Variants in TLE1 observed in about 807,000 individuals in gnomAD.
TLE1 encodes the protein TLE family member 1, transcriptional corepressor.
A neutral mutation model predicts 89.8 loss-of-function variants in TLE1; 21 were observed. The observed-to-expected ratio is 0.23, with a 90% CI of 0.17 to 0.34. The LOEUF (loss-of-function observed/expected upper bound fraction) is 0.34. Among genes scored for constraint, TLE1 ranks in the 10% least tolerant of loss-of-function variants. TLE1 has a pLI of 1.00. For missense variants in TLE1, 795 were observed against 1,031.2 expected (o/e 0.77, Z 3.14); for synonymous variants, 447 against 407.6 (o/e 1.10, Z -1.16).
intron 6 of TLE1, among the ~76,000 whole-genome samples, chr9:81,640,041 C>T (rs188698274): frequency 1.8e-4 from 27 of 152,052 alleles, no homozygotes; most frequent in East Asian, 1.7e-3. Context: ...GAGGTCACTG[C>T]GGGGGAGGGA....
chr9:81,673,370 G>A (rs1832489504), intron 4 of TLE1, among the ~76,000 whole-genome samples: 1 of 138,496 alleles, frequency 7.2e-6, no homozygotes, highest in Non-Finnish European at 1.5e-5. Flanking sequence ...TAGAAGGAAA[G>A]AAATAAAACA....
In TLE1 at chr9:81,620,552, A is replaced by G; in HGVS notation, c.600T>C (p.Asn200=). 3 of 1,609,030 alleles carry G rather than the reference A, an allele frequency of 1.9e-6. No homozygotes were observed. The highest frequency in any genetic ancestry group is 1.7e-6 in the Non-Finnish European group (2 of 1,178,760). Residue 200 remains asparagine, a synonymous_variant, in exon 9 of 20, where the codon AAT becomes AAC. Transcript: ENST00000376499. ...TTAGACTGTCTGGGACCAGGAGGGA[A>G]TTACTCTGCAAGACAAAAAAATTAA... ...HHRDREPGTS[N]SLLVPDSLRG... is the part of the protein sequence containing the mutation.
intron 9 of TLE1, among the ~76,000 whole-genome samples, chr9:81,617,356 A>G (rs974176187): frequency 1.3e-5 from 2 of 152,254 alleles, no homozygotes; most frequent in African/African-American, 4.8e-5. Context: ...TATCATATTT[A>G]CTAATCAGAG....
chr9:81,586,696 A>G (rs1828517739), intron 17 of TLE1, among the ~76,000 whole-genome samples: 1 of 152,162 alleles, frequency 6.6e-6, no homozygotes, highest in African/African-American at 2.4e-5. Flanking sequence ...AGCGATGGGC[A>G]TGTGGCATTT....
rs111516258 is a variant in TLE1 at position 81,677,246 on chromosome 9, A to C, written c.234+8430T>G. On this transcript the variant is annotated intron_variant, in intron 4 of 19. Coordinates refer to ENST00000376499, the MANE Select transcript of TLE1 (RefSeq NM_005077.5). ...GAACGAGACTCGTCTTCCCCCCCCC[A>C]AAAAAAAGACCTTACAAATTTAAAA... Among the ~76,000 whole-genome samples the C allele has an allele frequency of 1.0e-4, 14 of 136,332 alleles. 1 individual carries two copies. Among genetic ancestry groups the C allele is most frequent in the Admixed American group, 6.5e-4 (9 of 13,886 alleles). 89.4% of individuals were successfully genotyped at this position (136,332 alleles called of 152,430 possible). A position where few individuals can be genotyped will look rare whatever the true frequency, so the allele number is the denominator to read the frequency against.
In TLE1 at chr9:81,613,477, C is replaced by T. The variant is rs1260488779; in HGVS notation, c.963G>A (p.Thr321=). ...CCGGCGTTGGCATGTCGCTCCGAGGCGTTGGTGTGCTGGATTTCAGAACAG... is the reference window on the plus strand; with the variant it reads ...CCGGCGTTGGCATGTCGCTCCGAGGTGTTGGTGTGCTGGATTTCAGAACAG... ...STPVLKSSTP[T]PRSDMPTPGT... The change falls in exon 12 of 20, where the codon ACG becomes ACA. Residue 321 remains threonine (T), a synonymous_variant. Transcript: ENST00000376499. 5 of 1,614,180 alleles carry T rather than the reference C, an allele frequency of 3.1e-6. No individual in the cohort carries two copies. Among genetic ancestry groups the T allele is most frequent in the Admixed American group, 3.3e-5 (2 of 60,020 alleles).
chr9:81,651,460 AAG>A (rs1829519271), intron 6 of TLE1, among the ~76,000 whole-genome samples: 2 of 152,152 alleles, frequency 1.3e-5, no homozygotes, highest in Non-Finnish European at 2.9e-5. Context: ...AACTGAACTC[AAG>A]AGAGGAGAGC....
intron 17 of TLE1, among the ~76,000 whole-genome samples, chr9:81,586,143 A>G (rs1053405993): frequency 4.7e-5 from 7 of 150,154 alleles, no homozygotes; most frequent in Non-Finnish European, 1.0e-4. Flanking sequence ...TCAGCCTCCC[A>G]AGTAGCTGGG....
chr9:81,632,474 CCTTTTTTTTTT>C (rs1563998784), intron 8 of TLE1, among the ~76,000 whole-genome samples: 3 of 73,392 alleles, frequency 4.1e-5, no homozygotes, highest in Non-Finnish European at 9.1e-5. Context: ...GTTCAGTATC[CCTTTTTTTTTT>C]TTTTTTTTTT....
chr9:81,659,274 T>C (rs1830495332), intron 4 of TLE1, among the ~76,000 whole-genome samples: 1 of 152,202 alleles, frequency 6.6e-6, no homozygotes, highest in African/African-American at 2.4e-5. Context: ...AACCTGGGTA[T>C]TTGACCCTGC....
intron 15 of TLE1, 72 bp downstream of exon 15, chr9:81,592,953 G>A (rs1829749156): frequency 1.3e-6 from 2 of 1,550,402 alleles, no homozygotes; most frequent in Non-Finnish European, 1.8e-6. Context: ...TAAAACCCAG[G>A]CCCACACAGC....
intron 4 of TLE1, among the ~76,000 whole-genome samples, chr9:81,664,589 C>G (rs768616044): frequency 6.6e-6 from 1 of 151,960 alleles, no homozygotes; most frequent in Non-Finnish European, 1.5e-5. Context: ...AGGTCGGGCA[C>G]AGTGGCTCAC....
At chr9:81,603,510 AAG>A (rs1831221839) in intron 14 of TLE1, among the ~76,000 whole-genome samples, 1 of 152,194 alleles carries the variant, frequency 6.6e-6, no homozygotes, top group Non-Finnish European at 1.5e-5. Flanking sequence ...CCAGAAACAG[AAG>A]AACAGCCTTA....
intron 4 of TLE1, among the ~76,000 whole-genome samples, chr9:81,662,503 C>G (rs1175882940): frequency 6.6e-6 from 1 of 151,646 alleles, no homozygotes; most frequent in African/African-American, 2.4e-5. Context: ...CGAGACCATC[C>G]TGGCCAACAT....
intron 4 of TLE1, among the ~76,000 whole-genome samples, chr9:81,682,118 G>A (rs924602698): frequency 2.6e-5 from 4 of 152,126 alleles, no homozygotes; most frequent in African/African-American, 7.2e-5. Context: ...GCCGGGCATG[G>A]TGGCGGACAC....
At chr9:81,608,986 GCAA>G (rs1257125630) in intron 14 of TLE1, among the ~76,000 whole-genome samples, 1 of 151,428 alleles carries the variant, frequency 6.6e-6, no homozygotes, top group East Asian at 1.9e-4. Context: ...AGAAAAAAAA[GCAA>G]CAACATTTGC....
chr9:81,652,729 C>A (rs1829708174), intron 5 of TLE1, among the ~76,000 whole-genome samples: 1 of 151,880 alleles, frequency 6.6e-6, no homozygotes, highest in African/African-American at 2.4e-5. Flanking sequence ...CAGGGTGAGC[C>A]CAGGAGTTCA....
intron 4 of TLE1, among the ~76,000 whole-genome samples, chr9:81,655,038 T>C (rs1719417957): frequency 6.6e-6 from 1 of 152,024 alleles, no homozygotes; most frequent in Admixed American, 6.6e-5. Context: ...TAATAAAAGG[T>C]GTCCTTAGTG....
rs531825381 is a variant in TLE1 at position 81,668,817 on chromosome 9, G to C, written c.235-14781C>G. On this transcript the variant is annotated intron_variant, in intron 4 of 19. Transcript: ENST00000376499. ...ACTAGGGAAGCATTAAATAAGGAGA[G>C]AGGAACTGAAGATAATGGAAACAAG... is the stretch of plus-strand genomic sequence containing the variant. Among the ~76,000 whole-genome samples the C allele has an allele frequency of 2.6e-5, 4 of 152,258 alleles. No homozygotes were observed. The South Asian group carries it at 8.3e-4, about 32-fold the overall frequency.
Sources: allele counts gnomAD v4.1 joint callset (sites outside exome capture counted in the v4.1 genomes callset), GRCh38; gene constraint gnomAD v4.1.1; transcripts MANE v1.5; gene names NCBI Gene and HGNC (gene_info 2026-07-23, HGNC 2026-07-21).